PPP1R9B: variants seen among roughly 807,000 people sequenced by gnomAD.
The protein encoded by PPP1R9B is protein phosphatase 1 regulatory subunit 9B.
A neutral mutation model predicts 75.8 loss-of-function variants in PPP1R9B; 17 were observed. The ratio of observed to expected loss-of-function variants is 0.22; its 90% CI spans 0.15 to 0.34. PPP1R9B has a LOEUF of 0.34. Ranked by LOEUF, PPP1R9B falls within the 10% of genes least tolerant of loss-of-function variation. PPP1R9B has a pLI of 1.00. For synonymous variants in PPP1R9B, 509 were observed against 535.4 expected, an observed-to-expected ratio of 0.95 and a Z score of 0.68; for missense variants, 875 against 1,196.0, an observed-to-expected ratio of 0.73 and a Z score of 3.96.
intron 1 of PPP1R9B, 150 bp from the exon 2 acceptor site, chr17:50,145,395 A>C (rs1406157343): frequency 5.9e-6 from 6 of 1,011,636 alleles, no homozygotes; most frequent in African/African-American, 3.2e-5. Context: ...CTGAGACCCC[A>C]GCTCTGAGCA....
intron 2 of PPP1R9B, among the ~76,000 whole-genome samples, chr17:50,144,002 G>A (rs1037561145): frequency 3.3e-5 from 5 of 152,166 alleles, no homozygotes; most frequent in East Asian, 1.9e-4. Context: ...AGACCAGGGC[G>A]TGTGGCCAGG....
intron 5 of PPP1R9B, 60 bp downstream of exon 5, chr17:50,140,033 T>C (rs1912328995): frequency 6.3e-7 from 1 of 1,579,012 alleles, no homozygotes; most frequent in African/African-American, 1.3e-5. Context: ...CAGATGACTG[T>C]AATGCTTCAT....
In PPP1R9B at chr17:50,150,101, G is replaced by A. The variant is rs539885092; in HGVS notation, c.413C>T (p.Pro138Leu). Residue 138 changes from proline to leucine, a missense_variant, in exon 1 of 10, where the codon CCG (proline) becomes CTG (leucine). Pro to Leu is a moderately conservative substitution (Grantham distance 98). This residue lies in a region of PPP1R9B where 449 missense variants were observed against 475.0 expected (regional missense o/e 0.95). Transcript: ENST00000612501. The surrounding 1 kb of genome is among the most constrained non-coding windows in gnomAD (Gnocchi z 8.7). ...CTCCTGCAGCCGGGACGGCGGGTGC[G>A]GCGGCGGCGCAGGCTGCGCGGAGGG... ...PAPSAQPAPPPHPPSRLQETR... is the reference protein window; with the variant it reads ...PAPSAQPAPPLHPPSRLQETR... The A allele has an allele frequency of 7.2e-7, 1 of 1,397,890 alleles. No homozygotes were observed. The highest frequency in any genetic ancestry group is 2.5e-4 in the Middle Eastern group (1 of 3,924). The allele number at this position is 1,397,890 out of a possible 1,614,324, so 86.6% of individuals were successfully genotyped here.
At chr17:50,148,406 ACCT>A (rs1490318923) in intron 1 of PPP1R9B, among the ~76,000 whole-genome samples, 2 of 151,912 alleles carry the variant, frequency 1.3e-5, no homozygotes, top group Admixed American at 6.6e-5. Flanking sequence ...TCCCAGCCCC[ACCT>A]CCTCCTCCTC....
At position 50,133,983 on chromosome 17, in the gene PPP1R9B, T is replaced by G. The variant is rs1912140075; in HGVS notation, c.*1348A>C. On this transcript the variant is annotated 3_prime_UTR_variant, in exon 10 of 10. Coordinates refer to ENST00000612501, the MANE Select transcript of PPP1R9B (RefSeq NM_032595.5). ...CTCCTTCAGGGGATGGGGGCACATC[T>G]GGGGATAGGAAGGGGTGGGGACAAG... is the stretch of plus-strand genomic sequence containing the variant. The G allele has an allele frequency of 6.6e-6, 1 of 152,266 alleles. No homozygotes were observed. Among genetic ancestry groups the G allele is most frequent in the Non-Finnish European group, 1.5e-5 (1 of 67,948 alleles). 9.4% of individuals were successfully genotyped at this position (152,266 alleles called of 1,614,324 possible).
rs1912416030 is a variant in PPP1R9B at position 50,142,672 on chromosome 17, G to A, written c.1625+926C>T. ...GTCACCTCTAACTTACAGCCACCCTGGGGGATGCCCTACAGCCCTTCCTAC... is the reference window on the plus strand; with the variant it reads ...GTCACCTCTAACTTACAGCCACCCTAGGGGATGCCCTACAGCCCTTCCTAC... On this transcript the variant is annotated intron_variant, in intron 3 of 9. Transcript: ENST00000612501. This position sits in a 1 kb window ranked among gnomAD's most constrained non-coding sequence, Gnocchi z 4.1. Among the ~76,000 whole-genome samples the A allele has an allele frequency of 6.6e-6, 1 of 152,040 alleles. No individual in the cohort carries two copies. Among genetic ancestry groups the A allele is most frequent in the Non-Finnish European group, 1.5e-5 (1 of 67,996 alleles).
At chr17:50,138,195 T>C (rs79082774) in intron 7 of PPP1R9B, among the ~76,000 whole-genome samples, 30,404 of 145,036 alleles carry the variant, frequency 0.21, 3,256 homozygotes, top group Middle Eastern at 0.34. Context: ...TGTGTGTGTG[T>C]GCCACGTGTC....
Position 50,134,590 on chromosome 17 carries a change from C to A in PPP1R9B, c.*741G>T, listed in dbSNP as rs1018790422. On this transcript the variant is annotated 3_prime_UTR_variant, in exon 10 of 10. Transcript: ENST00000612501. ...TATTTGGCACCTGGAAGAGGGGAGG[C>A]ACAAGGAGAAATTGAGGGCTGCTGC... 6.5e-6 allele frequency: 1 copy of A among 152,766 alleles called. No homozygotes were observed. Among genetic ancestry groups the A allele is most frequent in the Non-Finnish European group, 1.5e-5 (1 of 68,136 alleles). The allele number at this position is 152,766 out of a possible 1,614,324, so 9.5% of individuals were successfully genotyped here.
Position 50,149,294 on chromosome 17 carries a change from C to T in PPP1R9B, c.1220G>A (p.Gly407Asp). The part of the protein sequence containing the change: ...AYSGLGEDSA[G>D]SALEEDDEDD... ...TTCGTCGTCCTCCTCCAGGGCACTG[C>T]CCGCAGAGTCCTCCCCGAGCCCACT... The change falls in exon 1 of 10, where the codon GGC becomes GAC. Residue 407 changes from glycine (G) to aspartate (D), a missense_variant. By Grantham distance (94) the Gly-to-Asp change is moderately conservative. Around this residue, in one of 4 missense-constraint regions of PPP1R9B, gnomAD observed 449 missense variants for 475.0 expected, o/e 0.95. Coordinates refer to ENST00000612501, the MANE Select transcript of PPP1R9B (RefSeq NM_032595.5). The surrounding 1 kb of genome is among the most constrained non-coding windows in gnomAD (Gnocchi z 7.2). 1 of 1,613,316 alleles carries T rather than the reference C, an allele frequency of 6.2e-7. No homozygotes were observed. Among genetic ancestry groups the T allele is most frequent in the Non-Finnish European group, 8.5e-7 (1 of 1,179,742 alleles).
rs1037281837 is a variant in PPP1R9B at position 50,139,048 on chromosome 17, G to A, written c.2073+215C>T. 3.3e-5 allele frequency among the ~76,000 whole-genome samples: 5 copies of A among 152,234 alleles called. No individual in the cohort carries two copies. The highest frequency in any genetic ancestry group is 9.6e-5 in the African/African-American group (4 of 41,466). The stretch of plus-strand genomic sequence containing the variant: ...ATTACGACCTCATTTTATAGATGAG[G>A]AGGCTGAGGCACAGAGAAGCAAGTG... On this transcript the variant is annotated intron_variant, in intron 7 of 9. Transcript: ENST00000612501. This position sits in a 1 kb window ranked among gnomAD's most constrained non-coding sequence, Gnocchi z 5.0.
Position 50,150,489 on chromosome 17 carries a change from G to C in PPP1R9B, c.25C>G (p.Pro9Ala). 1 of 1,360,720 alleles carries C rather than the reference G, an allele frequency of 7.3e-7. No homozygotes were observed. The highest frequency in any genetic ancestry group is 1.7e-5 in the South Asian group (1 of 58,558). The allele number at this position is 1,360,720 out of a possible 1,614,324, so 84.3% of individuals were successfully genotyped here. Residue 9 changes from proline (P) to alanine (A), a missense_variant, in exon 1 of 10, where the codon CCC becomes GCC. By Grantham distance (27) the Pro-to-Ala change is conservative. Transcript: ENST00000612501. The surrounding 1 kb of genome is among the most constrained non-coding windows in gnomAD (Gnocchi z 8.7). ...GAGGCGCTCCGGAGGGGACCCCCGG[G>C]CCCCCGTGGCTCCGTCTTCATCATG... Reference protein sequence around the residue: MMKTEPRGPGGPLRSASPH... With the variant: MMKTEPRGAGGPLRSASPH...
At chr17:50,147,546 T>C (rs1912547078) in intron 1 of PPP1R9B, among the ~76,000 whole-genome samples, 1 of 152,138 alleles carries the variant, frequency 6.6e-6, no homozygotes, top group Non-Finnish European at 1.5e-5. Context: ...CTCCAAATCA[T>C]GTGCTATTTT....
intron 7 of PPP1R9B, among the ~76,000 whole-genome samples, chr17:50,138,501 A>C (rs185438272): frequency 6.6e-6 from 1 of 150,552 alleles, no homozygotes. Context: ...CAGTGTGTGT[A>C]CTTCTGGGTG....
In PPP1R9B at chr17:50,150,557, C is replaced by T; in HGVS notation, c.-44G>A. On this transcript the variant is annotated 5_prime_UTR_variant, in exon 1 of 10. Coordinates refer to ENST00000612501, the MANE Select transcript of PPP1R9B (RefSeq NM_032595.5). This position sits in a 1 kb window ranked among gnomAD's most constrained non-coding sequence, Gnocchi z 8.7. Reference sequence around the variant, plus strand: ...CGCATGCCCCTGCTCCCCGCTCCCCCGCTTCAACAGGCGGCTGGCCAAGTC... The same window carrying T: ...CGCATGCCCCTGCTCCCCGCTCCCCTGCTTCAACAGGCGGCTGGCCAAGTC... The T allele has an allele frequency of 7.9e-7, 1 of 1,265,884 alleles. No homozygotes were observed. The highest frequency in any genetic ancestry group is 3.2e-5 in the East Asian group (1 of 31,674). 78.4% of individuals were successfully genotyped at this position (1,265,884 alleles called of 1,614,324 possible). A position where few individuals can be genotyped will look rare whatever the true frequency, so the allele number is the denominator to read the frequency against.
rs1348927709 is a variant in PPP1R9B, at chr17:50,150,131, G to C, written c.383C>G (p.Pro128Arg). 7.0e-7 allele frequency: 1 copy of C among 1,428,156 alleles called. No individual in the cohort carries two copies. Among genetic ancestry groups the C allele is most frequent in the East Asian group, 3.1e-5 (1 of 32,598 alleles). 88.5% of individuals were successfully genotyped at this position (1,428,156 alleles called of 1,614,324 possible). A position where few individuals can be genotyped will look rare whatever the true frequency, so the allele number is the denominator to read the frequency against. ...CGGCGCAGGCTGCGCGGAGGGCGCG[G>C]GCTTGGAGTCGAAGCGGCTCACGCG... ...SERVSRFDSK[P>R]APSAQPAPPP... Residue 128 changes from proline (P) to arginine (R), a missense_variant, in exon 1 of 10, where the codon CCC becomes CGC. Pro to Arg is a moderately radical substitution (Grantham distance 103). Transcript: ENST00000612501. The surrounding 1 kb of genome is among the most constrained non-coding windows in gnomAD (Gnocchi z 8.7).
intron 1 of PPP1R9B, among the ~76,000 whole-genome samples, chr17:50,145,561 G>A (rs1262442817): frequency 6.6e-6 from 1 of 152,192 alleles, no homozygotes; most frequent in African/African-American, 2.4e-5. Flanking sequence ...GTCCAACTCA[G>A]GAACCCAGAC....
chr17:50,135,449 C>T, intron 9 of PPP1R9B, 65 bp from the exon 10 acceptor site: 1 of 1,586,858 alleles, frequency 6.3e-7, no homozygotes, highest in Non-Finnish European at 8.6e-7. Flanking sequence ...CCCCTTCCGC[C>T]CCCCGGTGAG....
In PPP1R9B at chr17:50,150,145, G is replaced by T; in HGVS notation, c.369C>A (p.Arg123=). 7.0e-7 allele frequency: 1 copy of T among 1,436,810 alleles called. No individual in the cohort carries two copies. Among genetic ancestry groups the T allele is most frequent in the Non-Finnish European group, 9.1e-7 (1 of 1,099,302 alleles). 89.0% of individuals were successfully genotyped at this position (1,436,810 alleles called of 1,614,324 possible). Residue 123 remains arginine (R), a synonymous_variant, in exon 1 of 10, where the codon CGC becomes CGA. Coordinates refer to ENST00000612501, the MANE Select transcript of PPP1R9B (RefSeq NM_032595.5). This position sits in a 1 kb window ranked among gnomAD's most constrained non-coding sequence, Gnocchi z 8.7. ...LGTSVSERVS[R]FDSKPAPSAQ... is the part of the protein sequence containing the mutation. Reference sequence around the variant, plus strand: ...CGGAGGGCGCGGGCTTGGAGTCGAAGCGGCTCACGCGCTCCGACACGCTGG... The same window carrying T: ...CGGAGGGCGCGGGCTTGGAGTCGAATCGGCTCACGCGCTCCGACACGCTGG...
At chr17:50,143,786 T>C in intron 2 of PPP1R9B, 68 bp from the exon 3 acceptor site, 1 of 1,597,876 alleles carries the variant, frequency 6.3e-7, no homozygotes. Flanking sequence ...CCACCCCGAA[T>C]TCCAGGGCAC....
Sources: gnomAD v4.1 joint callset for allele counts (sites outside exome capture counted in the v4.1 genomes callset) on GRCh38, gnomAD v4.1.1 for gene constraint, gnomAD v4.1.1 regional missense constraint, Gnocchi (gnomAD v3.1) non-coding constraint, MANE v1.5 for transcripts, NCBI Gene and HGNC (gene_info 2026-07-23, HGNC 2026-07-21) for gene names.